Variants in RALYL observed in about 807,000 individuals in gnomAD.
RALYL encodes the protein RALY RNA binding protein like.
A neutral mutation model predicts 35.1 loss-of-function variants in RALYL; 29 were observed. That is an observed-to-expected ratio of 0.83 (90% CI 0.61 to 1.13). The LOEUF (loss-of-function observed/expected upper bound fraction) is 1.13. Among genes scored for constraint, RALYL ranks in the 50% most tolerant of loss-of-function variants. The pLI, the probability that RALYL is intolerant of heterozygous loss-of-function variation, is 0.00. For missense variants in RALYL, 359 were observed against 360.4 expected (o/e 1.00, Z 0.03); for synonymous variants, 120 against 127.6 (o/e 0.94, Z 0.40).
chr8:84,559,473 T>TA (rs1286143563), intron 2 of RALYL, among the ~76,000 whole-genome samples: 1 of 152,096 alleles, frequency 6.6e-6, no homozygotes, highest in African/African-American at 2.4e-5. Context: ...CATAGCTTTT[T>TA]ATGTAACCCA....
At chr8:84,885,550 A>G (rs1411689851) in intron 7 of RALYL, among the ~76,000 whole-genome samples, 2 of 152,184 alleles carry the variant, frequency 1.3e-5, no homozygotes, top group Non-Finnish European at 2.9e-5. Flanking sequence ...TCACATCCTT[A>G]CTGCACAAAT....
At chr8:84,722,793 T>C (rs1844236001) in intron 2 of RALYL, among the ~76,000 whole-genome samples, 1 of 150,296 alleles carries the variant, frequency 6.7e-6, no homozygotes, top group Non-Finnish European at 1.5e-5. Context: ...ACTAGATATA[T>C]ACATATATAT....
At chr8:84,205,823 T>G (rs7825336) in intron 1 of RALYL, among the ~76,000 whole-genome samples, 2,921 of 152,214 alleles carry the variant, frequency 0.019, 98 homozygotes, top group African/African-American at 0.066. Context: ...AGAGACTGGG[T>G]GGTTTAAACA....
chr8:84,831,327 G>T (rs1411096801), intron 4 of RALYL, among the ~76,000 whole-genome samples: 2 of 151,962 alleles, frequency 1.3e-5, no homozygotes, highest in Non-Finnish European at 2.9e-5. Flanking sequence ...GATAATCGTG[G>T]AGAATTTTTG....
intron 2 of RALYL, among the ~76,000 whole-genome samples, chr8:84,662,595 G>A (rs887654684): frequency 1.3e-5 from 2 of 152,042 alleles, no homozygotes; most frequent in Admixed American, 6.6e-5. Context: ...GGCTGTCTGA[G>A]CTTATAATTG....
chr8:84,186,032 T>C (rs949542318), intron 1 of RALYL, among the ~76,000 whole-genome samples: 1 of 152,226 alleles, frequency 6.6e-6, no homozygotes, highest in Non-Finnish European at 1.5e-5. Context: ...TGCAAGTATC[T>C]CAAAAGTCTT....
At chr8:84,464,967 C>T (rs1320087676) in intron 1 of RALYL, among the ~76,000 whole-genome samples, 36 of 118,382 alleles carry the variant, frequency 3.0e-4, no homozygotes, top group South Asian at 7.0e-4. Flanking sequence ...TCATGTCCTT[C>T]GCCCACTTTT....
At chr8:84,563,542 C>A (rs2061591401) in intron 2 of RALYL, among the ~76,000 whole-genome samples, 1 of 151,252 alleles carries the variant, frequency 6.6e-6, no homozygotes, top group Admixed American at 6.6e-5. Context: ...TTAGTGTAAG[C>A]AAAGCTGACT....
chr8:84,721,955 T>G (rs1200247182), intron 2 of RALYL, among the ~76,000 whole-genome samples: 1 of 152,142 alleles, frequency 6.6e-6, no homozygotes, highest in Non-Finnish European at 1.5e-5. Flanking sequence ...AAAAATGACC[T>G]CATTTCCGAA....
At chr8:84,676,535 C>A (rs1834227403) in intron 2 of RALYL, among the ~76,000 whole-genome samples, 1 of 152,130 alleles carries the variant, frequency 6.6e-6, no homozygotes, top group Non-Finnish European at 1.5e-5. Context: ...CACAATGAGT[C>A]CATGAGATAA....
intron 3 of RALYL, among the ~76,000 whole-genome samples, chr8:84,799,417 G>T (rs938946398): frequency 5.9e-5 from 9 of 152,168 alleles, no homozygotes; most frequent in Non-Finnish European, 8.8e-5. Context: ...CAACACCAAA[G>T]AAATACTGAA....
intron 4 of RALYL, among the ~76,000 whole-genome samples, chr8:84,817,751 C>T (rs1827696799): frequency 6.6e-6 from 1 of 151,860 alleles, no homozygotes; most frequent in South Asian, 2.1e-4. Context: ...CGGGGGGTCT[C>T]ACTGTGTTGG....
At chr8:84,822,235 A>G (rs1190848033) in intron 4 of RALYL, among the ~76,000 whole-genome samples, 1 of 152,172 alleles carries the variant, frequency 6.6e-6, no homozygotes, top group Non-Finnish European at 1.5e-5. Context: ...AAGTTATTTT[A>G]AAGATGTGTT....
intron 2 of RALYL, among the ~76,000 whole-genome samples, chr8:84,686,907 C>A (rs1279092866): frequency 6.6e-6 from 1 of 152,042 alleles, no homozygotes; most frequent in African/African-American, 2.4e-5. Context: ...AATAACATGG[C>A]AACATTGTAA....
chr8:84,531,080 G>A (rs1469330477), intron 2 of RALYL, among the ~76,000 whole-genome samples: 1 of 151,998 alleles, frequency 6.6e-6, no homozygotes, highest in African/African-American at 2.4e-5. Flanking sequence ...CTATTACTGT[G>A]TGTTAATTTT....
At chr8:84,423,076 A>T (rs1342245626) in intron 1 of RALYL, among the ~76,000 whole-genome samples, 2 of 150,282 alleles carry the variant, frequency 1.3e-5, no homozygotes, top group African/African-American at 4.9e-5. Context: ...TGCTTGGTGC[A>T]GAGCTGAGTT....
intron 1 of RALYL, among the ~76,000 whole-genome samples, chr8:84,383,923 C>T (rs1040931626): frequency 6.6e-6 from 1 of 151,584 alleles, no homozygotes; most frequent in Non-Finnish European, 1.5e-5. Context: ...GATAGCCAGC[C>T]AGATACTTAT....
chr8:84,860,325 A>G (rs1382791447), intron 5 of RALYL, among the ~76,000 whole-genome samples: 1 of 152,152 alleles, frequency 6.6e-6, no homozygotes, highest in Non-Finnish European at 1.5e-5. Flanking sequence ...GTCCTAGGGA[A>G]ATGGTCCTGC....
intron 8 of RALYL, among the ~76,000 whole-genome samples, chr8:84,891,063 G>A (rs1843766791): frequency 6.6e-6 from 1 of 152,120 alleles, no homozygotes; most frequent in African/African-American, 2.4e-5. Context: ...TTTCAGAGGT[G>A]GACAGTTTAA....
Sources: gnomAD v4.1 joint callset for allele counts (sites outside exome capture counted in the v4.1 genomes callset) on GRCh38, gnomAD v4.1.1 for gene constraint, MANE v1.5 for transcripts, NCBI Gene and HGNC (gene_info 2026-07-23, HGNC 2026-07-21) for gene names.